The following PCSK2 variants were observed in gnomAD, a reference collection of about 807,000 sequenced individuals.
PCSK2 encodes proprotein convertase subtilisin/kexin type 2.
A neutral mutation model predicts 69.7 loss-of-function variants in PCSK2; 14 were observed. The observed-to-expected ratio is 0.20, with a 90% CI of 0.13 to 0.31. The LOEUF (loss-of-function observed/expected upper bound fraction) is 0.31. PCSK2 is among the 10% of genes least tolerant of loss of function. The pLI is 1.00. For missense variants in PCSK2, 544 were observed against 842.5 expected (o/e 0.65, Z 4.39); for synonymous variants, 307 against 320.7 (o/e 0.96, Z 0.46).
At chr20:17,400,945 T>G (rs1450374562) in intron 5 of PCSK2, among the ~76,000 whole-genome samples, 1 of 152,256 alleles carries the variant, frequency 6.6e-6, no homozygotes, top group Non-Finnish European at 1.5e-5. Context: ...AATATTTCAC[T>G]ATTACAGTCA....
At chr20:17,437,075 C>T (rs556828905) in intron 8 of PCSK2, among the ~76,000 whole-genome samples, 192 bp downstream of exon 8, 1 of 151,810 alleles carries the variant, frequency 6.6e-6, no homozygotes, top group Admixed American at 6.6e-5. Flanking sequence ...GGAGAGAGGG[C>T]AGAAAAGCCT....
At chr20:17,291,655 T>C (rs1988697578) in intron 2 of PCSK2, among the ~76,000 whole-genome samples, 1 of 152,232 alleles carries the variant, frequency 6.6e-6, no homozygotes, top group Non-Finnish European at 1.5e-5. Context: ...ATATTTATGG[T>C]ACTTCTGAGG....
At chr20:17,402,822 T>A (rs1345130324) in intron 5 of PCSK2, among the ~76,000 whole-genome samples, 1 of 151,092 alleles carries the variant, frequency 6.6e-6, no homozygotes, top group Admixed American at 6.6e-5. Context: ...CCAGGCGTGG[T>A]GGTGGGCTCC....
intron 11 of PCSK2, among the ~76,000 whole-genome samples, chr20:17,480,409 T>A (rs1401935170): frequency 6.6e-6 from 1 of 151,976 alleles, no homozygotes; most frequent in African/African-American, 2.4e-5. Flanking sequence ...CATGATGGTC[T>A]CGATCTCCTG....
chr20:17,387,372 AG>A (rs1422245353), intron 5 of PCSK2, among the ~76,000 whole-genome samples: 1 of 152,188 alleles, frequency 6.6e-6, no homozygotes, highest in Non-Finnish European at 1.5e-5. Context: ...ATTTAAGAGC[AG>A]TTTGGCTGGG....
intron 4 of PCSK2, among the ~76,000 whole-genome samples, chr20:17,364,476 C>T (rs544257055): frequency 6.8e-4 from 104 of 152,204 alleles, no homozygotes; most frequent in Non-Finnish European, 9.9e-4. Flanking sequence ...ACGATCATGG[C>T]GGGAGATGAA....
At chr20:17,304,501 A>C (rs1208071845) in intron 2 of PCSK2, among the ~76,000 whole-genome samples, 2 of 152,220 alleles carry the variant, frequency 1.3e-5, no homozygotes, top group Non-Finnish European at 2.9e-5. Flanking sequence ...GAAACGGAGC[A>C]CAGGAAGCTA....
intron 6 of PCSK2, among the ~76,000 whole-genome samples, chr20:17,419,724 G>A (rs904717398): frequency 2.0e-5 from 3 of 152,180 alleles, no homozygotes; most frequent in African/African-American, 7.2e-5. Flanking sequence ...CAATAATCTT[G>A]CAGCCCTGCT....
At chr20:17,289,206 C>G (rs988930414) in intron 2 of PCSK2, among the ~76,000 whole-genome samples, 2 of 152,086 alleles carry the variant, frequency 1.3e-5, no homozygotes, top group Non-Finnish European at 2.9e-5. Context: ...TTAGATTAGT[C>G]AATATCTAGG....
intron 4 of PCSK2, 103 bp downstream of exon 4, chr20:17,360,743 A>G (rs1291007164): frequency 4.3e-6 from 3 of 695,424 alleles, no homozygotes; most frequent in South Asian, 1.7e-5. Context: ...GAGATGGAAC[A>G]GCAAGATACT....
intron 2 of PCSK2, among the ~76,000 whole-genome samples, chr20:17,357,469 G>T (rs1484789046): frequency 1.3e-5 from 2 of 152,214 alleles, no homozygotes; most frequent in African/African-American, 4.8e-5. Context: ...AGACTGGGAA[G>T]CCATCCAGAA....
chr20:17,266,103 A>G (rs1463236858), intron 2 of PCSK2, among the ~76,000 whole-genome samples: 1 of 152,230 alleles, frequency 6.6e-6, no homozygotes, highest in African/African-American at 2.4e-5. Context: ...TCCTGAGTTT[A>G]TGTCACTTAT....
intron 5 of PCSK2, among the ~76,000 whole-genome samples, chr20:17,375,817 G>A (rs1332269164): frequency 6.6e-6 from 1 of 152,164 alleles, no homozygotes; most frequent in Non-Finnish European, 1.5e-5. Context: ...ATTCTTGAGT[G>A]CAGCAAATAC....
intron 11 of PCSK2, among the ~76,000 whole-genome samples, chr20:17,468,029 G>A (rs1294693464): frequency 2.7e-5 from 4 of 149,468 alleles, no homozygotes; most frequent in Non-Finnish European, 6.0e-5. Context: ...TGGGCCAGCA[G>A]CCTGCCATAG....
At chr20:17,384,148 G>A (rs113796477) in intron 5 of PCSK2, among the ~76,000 whole-genome samples, 7 of 152,174 alleles carry the variant, frequency 4.6e-5, no homozygotes, top group African/African-American at 1.7e-4. Flanking sequence ...TACCCTCAGT[G>A]CTAGTAATCA....
intron 11 of PCSK2, among the ~76,000 whole-genome samples, chr20:17,480,242 T>C (rs1485809581): frequency 7.2e-6 from 1 of 139,526 alleles, no homozygotes; most frequent in African/African-American, 2.7e-5. Flanking sequence ...CAGGCTGGAG[T>C]GCAGTGGCGC....
chr20:17,324,672 C>T (rs1056247520), intron 2 of PCSK2, among the ~76,000 whole-genome samples: 5 of 152,096 alleles, frequency 3.3e-5, no homozygotes, highest in Admixed American at 6.5e-5. Flanking sequence ...TATCAGTAGC[C>T]CCCATGGAAC....
upstream of PCSK2, chr20:17,226,859 G>A (rs1252862806): frequency 5.0e-5 from 7 of 140,288 alleles, no homozygotes. Context: ...GCCGGGCCGG[G>A]CCGGGGGTGG....
chr20:17,415,430 T>C (rs572867358), intron 6 of PCSK2, among the ~76,000 whole-genome samples: 29 of 152,276 alleles, frequency 1.9e-4, no homozygotes, highest in Admixed American at 1.3e-3. Context: ...TGAACTCCCA[T>C]TCACAATTGC....
Sources: allele counts gnomAD v4.1 joint callset (sites outside exome capture counted in the v4.1 genomes callset), GRCh38; gene constraint gnomAD v4.1.1; transcripts MANE v1.5; gene names NCBI Gene and HGNC (gene_info 2026-07-23, HGNC 2026-07-21).